The following SYDE2 variants were observed in gnomAD, a reference collection of about 807,000 sequenced individuals.
The protein encoded by SYDE2 is rho GTPase-activating protein SYDE2.
In SYDE2, 76 loss-of-function variants were observed where a neutral mutation model predicts 91.5. The observed-to-expected ratio is 0.83, with a 90% confidence interval of 0.69 to 1.01. The LOEUF is 1.01. Among genes scored for constraint, SYDE2 ranks in the 50% least tolerant of loss-of-function variants. The pLI is 0.00. For missense variants in SYDE2, 1,364 were observed against 1,367.7 expected, an observed-to-expected ratio of 1.00 and a Z score of 0.04; for synonymous variants, 513 against 506.4, an observed-to-expected ratio of 1.01 and a Z score of -0.18.
chr1:85,164,630 G>C lies in SYDE2; in HGVS notation c.2981C>G (p.Ser994Cys). 6.2e-7 allele frequency: 1 copy of C among 1,603,222 alleles called. No homozygotes were observed. The highest frequency in any genetic ancestry group is 8.5e-7 in the Non-Finnish European group (1 of 1,174,410). ...PVLLSQRQEPSTHNNRVFTDS... is the reference protein window; with the variant it reads ...PVLLSQRQEPCTHNNRVFTDS... ...AGTAAAGACTCTGTTGTTATGGGTG[G>C]AAGGCTCTTGCCTCTGACTTAATAA... is the stretch of plus-strand genomic sequence containing the variant. Residue 994 changes from serine to cysteine, a missense_variant, in exon 6 of 7, where the codon TCC (serine) becomes TGC (cysteine). Transcript: ENST00000341460.
intron 4 of SYDE2, among the ~76,000 whole-genome samples, chr1:85,171,304 G>A (rs965669221): frequency 5.9e-5 from 9 of 152,116 alleles, no homozygotes; most frequent in African/African-American, 1.4e-4. Context: ...TAACCCTGAA[G>A]AACATCAACT....
intron 2 of SYDE2, among the ~76,000 whole-genome samples, chr1:85,189,535 A>C (rs1344232463): frequency 6.6e-6 from 1 of 152,220 alleles, no homozygotes; most frequent in African/African-American, 2.4e-5. Context: ...AGCACACCAG[A>C]TTATAAAGTC....
chr1:85,190,339 A>G lies in SYDE2; in HGVS notation c.1159T>C (p.Leu387=). 1 of 1,613,976 alleles carries G rather than the reference A, an allele frequency of 6.2e-7. No individual in the cohort carries two copies. The highest frequency in any genetic ancestry group is 1.1e-5 in the South Asian group (1 of 91,082). Residue 387 remains leucine (L), a synonymous_variant, in exon 2 of 7, where the codon TTG becomes CTG. Transcript: ENST00000341460. ...EDDDLGISSA[L]SFGEADSAVL... is the part of the protein sequence containing the mutation. ...GCAGAGTCGGCCTCACCAAAACTCA[A>G]GGCACTTGATATACCAAGGTCATCA...
At chr1:85,171,494 T>C (rs1379395191) in intron 4 of SYDE2, among the ~76,000 whole-genome samples, 1 of 151,948 alleles carries the variant, frequency 6.6e-6, no homozygotes, top group Non-Finnish European at 1.5e-5. Context: ...CAAACAATAG[T>C]TGGGTTAGAT....
At chr1:85,163,855 ATTTCT>A (rs1271731705) in intron 6 of SYDE2, among the ~76,000 whole-genome samples, 1 of 152,134 alleles carries the variant, frequency 6.6e-6, no homozygotes, top group Non-Finnish European at 1.5e-5. Flanking sequence ...TTAAACACAT[ATTTCT>A]TTTAACTCTG....
intron 6 of SYDE2, chr1:85,160,181 T>C: frequency 1.0e-5 from 10 of 984,914 alleles, no homozygotes; most frequent in Non-Finnish European, 1.2e-5. Flanking sequence ...TGCACTAAGA[T>C]AAAGCAACAT....
At chr1:85,190,866 A>C in intron 1 of SYDE2, 114 bp from the exon 2 acceptor site, 1 of 675,986 alleles carries the variant, frequency 1.5e-6, no homozygotes, top group Non-Finnish European at 2.4e-6. Context: ...AACAACAATC[A>C]CATTCAGAGA....
At chr1:85,163,575 A>G (rs1483698092) in intron 6 of SYDE2, among the ~76,000 whole-genome samples, 1 of 150,320 alleles carries the variant, frequency 6.7e-6, no homozygotes, top group Non-Finnish European at 1.5e-5. Flanking sequence ...CTTTACAACA[A>G]CCCTGAGGCA....
rs1456301137 is a variant in SYDE2 at position 85,190,560 on chromosome 1, T to C, written c.938A>G (p.His313Arg). Residue 313 changes from histidine (H) to arginine (R), a missense_variant, in exon 2 of 7, where the codon CAT (histidine) becomes CGT (arginine). Physicochemically the swap from His to Arg is conservative, Grantham distance 29. Transcript: ENST00000341460. ...TAGAGACACAGGTGAGATGGATAAA[T>C]GACTTCTATCTTGGCATTTCTTATT... Reference protein sequence around the residue: ...EENKKCQDRSHLSISPVSLPK... With the variant: ...EENKKCQDRSRLSISPVSLPK... 6.2e-7 allele frequency: 1 copy of C among 1,614,000 alleles called. No individual in the cohort carries two copies. The highest frequency in any genetic ancestry group is 1.3e-5 in the African/African-American group (1 of 75,062).
rs777854049 is a variant in SYDE2, at chr1:85,159,009, T to A, written c.3326A>T (p.Asp1109Val). ...TGAAGGGACATCATCATAATCCACA[T>A]CATTTAAATTTTCTTTTGTATTTAA... is the stretch of plus-strand genomic sequence containing the variant. ...YFLNTKENLN[D>V]VDYDDVPSED... Residue 1109 changes from aspartate (D) to valine (V), a missense_variant, in exon 7 of 7, where the codon GAT (aspartate) becomes GTT (valine). Asp to Val is a radical substitution (Grantham distance 152). Transcript: ENST00000341460. 1.3e-6 allele frequency: 1 copy of A among 780,718 alleles called. No homozygotes were observed. Among genetic ancestry groups the A allele is most frequent in the Non-Finnish European group, 2.4e-6 (1 of 417,986 alleles). The allele number at this position is 780,718 out of a possible 1,614,324, so 48.4% of individuals were successfully genotyped here.
chr1:85,177,064 C>T (rs1657727808), intron 4 of SYDE2, among the ~76,000 whole-genome samples: 1 of 152,054 alleles, frequency 6.6e-6, no homozygotes, highest in African/African-American at 2.4e-5. Flanking sequence ...TGCTTAATCT[C>T]TGTTGTCTCT....
At chr1:85,191,945 T>C (rs553438420) in intron 1 of SYDE2, among the ~76,000 whole-genome samples, 6 of 152,206 alleles carry the variant, frequency 3.9e-5, no homozygotes, top group Admixed American at 1.3e-4. Flanking sequence ...AGTATATAAC[T>C]ATCATTATAA....
downstream of SYDE2, among the ~76,000 whole-genome samples, chr1:85,156,385 A>G (rs919727350): frequency 1.4e-5 from 2 of 144,888 alleles, no homozygotes; most frequent in Non-Finnish European, 3.0e-5. Context: ...TGTCTCTATT[A>G]AAAAAAAAAA....
intron 2 of SYDE2, among the ~76,000 whole-genome samples, chr1:85,187,301 C>CA (rs1488662613): frequency 6.6e-6 from 1 of 152,046 alleles, no homozygotes; most frequent in Non-Finnish European, 1.5e-5. Context: ...AAATGCAAAT[C>CA]AAAACCACAA....
rs897845100 is a variant in SYDE2 at position 85,158,412 on chromosome 1, A to G, written c.*338T>C. On this transcript the variant is annotated 3_prime_UTR_variant, in exon 7 of 7. Transcript: ENST00000341460. ...AAAAAAAAGGACATCTGTCTCAGCT[A>G]CAGAAGAGTGGTTCCCATAAAGCAG... The G allele has an allele frequency of 3.0e-5, 6 of 196,888 alleles. No individual in the cohort carries two copies. The highest frequency in any genetic ancestry group is 1.4e-4 in the African/African-American group (6 of 42,468). 12.2% of individuals were successfully genotyped at this position (196,888 alleles called of 1,614,324 possible). A position where few individuals can be genotyped will look rare whatever the true frequency, so the allele number is the denominator to read the frequency against.
chr1:85,183,295 T>C (rs1658007715), intron 2 of SYDE2, 95 bp from the exon 3 acceptor site: 1 of 1,141,498 alleles, frequency 8.8e-7, no homozygotes, highest in South Asian at 2.2e-5. Context: ...GGCTTTCACA[T>C]AGGCAGAAAT....
rs1656996872 is a variant in SYDE2 at position 85,159,949 on chromosome 1, A to G, written c.3086-700T>C. 8.1e-6 allele frequency: 8 copies of G among 984,618 alleles called. No homozygotes were observed. In the South Asian group the frequency reaches 3.3e-4, roughly 40 times the overall value. 61.0% of individuals were successfully genotyped at this position (984,618 alleles called of 1,614,324 possible). On this transcript the variant is annotated intron_variant, in intron 6 of 6. Transcript: ENST00000341460. Reference sequence around the variant, plus strand: ...AAATAACATTTTCCACATTAAGACTAGTTTATTCTGAGAGTATGCATTGTG... The same window carrying G: ...AAATAACATTTTCCACATTAAGACTGGTTTATTCTGAGAGTATGCATTGTG...
intron 6 of SYDE2, among the ~76,000 whole-genome samples, chr1:85,162,058 T>G (rs1657081805): frequency 1.3e-5 from 2 of 152,178 alleles, no homozygotes; most frequent in Admixed American, 6.5e-5. Context: ...GACTTTTACC[T>G]TCTAATGCTG....
chr1:85,185,840 T>C (rs1658116937), intron 2 of SYDE2, among the ~76,000 whole-genome samples: 1 of 152,110 alleles, frequency 6.6e-6, no homozygotes, highest in South Asian at 2.1e-4. Flanking sequence ...CACTGTTGAA[T>C]AGGAGTGGTG....
Sources: gnomAD v4.1 joint callset for allele counts (sites outside exome capture counted in the v4.1 genomes callset) on GRCh38, gnomAD v4.1.1 for gene constraint, MANE v1.5 for transcripts, NCBI Gene and HGNC (gene_info 2026-07-23, HGNC 2026-07-21) for gene names.